CHAC2: variants seen among roughly 807,000 people sequenced by gnomAD.
CHAC2 encodes the protein ChaC glutathione specific gamma-glutamylcyclotransferase 2, also known as glutathione-specific gamma-glutamylcyclotransferase 2.
A neutral mutation model predicts 16.9 loss-of-function variants in CHAC2; 20 were observed. The ratio of observed to expected loss-of-function variants is 1.18; its 90% CI spans 0.83 to 1.72. CHAC2 has a LOEUF of 1.72. Among genes scored for constraint, CHAC2 ranks in the 40% most tolerant of loss-of-function variants. The probability of loss-of-function intolerance (pLI) is 0.00; values close to 1 mark genes in which losing one functional copy is unlikely to be tolerated. For missense variants in CHAC2, 269 were observed against 222.2 expected (o/e 1.21, Z -1.34); for synonymous variants, 91 against 77.3 (o/e 1.18, Z -0.93).
At chr2:53,772,255 A>G (rs1673982001) in intron 2 of CHAC2, among the ~76,000 whole-genome samples, 1 of 152,078 alleles carries the variant, frequency 6.6e-6, no homozygotes, top group Non-Finnish European at 1.5e-5. Context: ...GCTCACTGCA[A>G]GCTCCGCCTC....
chr2:53,774,102 A>G (rs1341844979), intron 2 of CHAC2, 40 bp from the exon 3 acceptor site: 1 of 1,527,778 alleles, frequency 6.5e-7, no homozygotes, highest in African/African-American at 1.4e-5. Context: ...TATTTTAATT[A>G]GCCTTATAAT....
Position 53,774,297 on chromosome 2 carries a change from T to C in CHAC2, c.327T>C (p.Tyr109=). Reference sequence around the variant, plus strand: ...CAAAACCATTCAGTGTATTGCTATATATTGGAACATGTGATAATCCTGATT... The same window carrying C: ...CAAAACCATTCAGTGTATTGCTATACATTGGAACATGTGATAATCCTGATT... ...PTTKPFSVLL[Y]IGTCDNPDYL... Residue 109 remains tyrosine (Y), a synonymous_variant, in exon 3 of 3, where the codon TAT becomes TAC. Coordinates refer to ENST00000295304, the MANE Select transcript of CHAC2 (RefSeq NM_001008708.4). 1 of 1,614,118 alleles carries C rather than the reference T, an allele frequency of 6.2e-7. No homozygotes were observed. Among genetic ancestry groups the C allele is most frequent in the Non-Finnish European group, 8.5e-7 (1 of 1,180,008 alleles).
At position 53,771,895 on chromosome 2, in the gene CHAC2, T is replaced by C. The variant is rs910503369; in HGVS notation, c.136-12T>C. 5 of 1,550,152 alleles carry C rather than the reference T, an allele frequency of 3.2e-6. No homozygotes were observed. In the African/African-American group the frequency reaches 5.5e-5, roughly 17 times the overall value. On this transcript the variant is annotated splice_polypyrimidine_tract_variant and intron_variant, in intron 1 of 2. Transcript: ENST00000295304. ...TAATTCAGAAAAATTTTTTTTTACC[T>C]TTTTAAAACAGCCTGGAAGAGTTGT...
rs766200132 is a variant in CHAC2 at position 53,774,224 on chromosome 2, G to A, written c.254G>A (p.Gly85Glu). 9 of 1,613,934 alleles carry A rather than the reference G, an allele frequency of 5.6e-6. No individual in the cohort carries two copies. Among genetic ancestry groups the A allele is most frequent in the Non-Finnish European group, 7.6e-6 (9 of 1,180,004 alleles). The stretch of plus-strand genomic sequence containing the variant: ...GCATACCTTGACTTCAGAGAAAAAG[G>A]AGGCTACAGAACCACAACAGTCATT... ...VKAYLDFREK[G>E]GYRTTTVIFY... The change falls in exon 3 of 3, where the codon GGA becomes GAA. Residue 85 changes from glycine to glutamate, a missense_variant. By Grantham distance (98) the Gly-to-Glu change is moderately conservative. Coordinates refer to ENST00000295304, the MANE Select transcript of CHAC2 (RefSeq NM_001008708.4).
rs368309853 is a variant in CHAC2, at chr2:53,768,029, G to C, written c.135+8G>C. On this transcript the variant is annotated splice_region_variant and intron_variant, in intron 1 of 2. Transcript: ENST00000295304. Reference sequence around the variant, plus strand: ...CGCGGGGTCCCCGGCAAGGTGAGGCGCCGGTCAGCTCCCCACACTTACTGC... The same window carrying C: ...CGCGGGGTCCCCGGCAAGGTGAGGCCCCGGTCAGCTCCCCACACTTACTGC... 2.5e-6 allele frequency: 4 copies of C among 1,612,330 alleles called. No homozygotes were observed. The African/African-American group carries it at 5.3e-5, about 22-fold the overall frequency.
At chr2:53,769,096 T>C (rs1036718964) in intron 1 of CHAC2, among the ~76,000 whole-genome samples, 3 of 152,226 alleles carry the variant, frequency 2.0e-5, no homozygotes, top group African/African-American at 7.2e-5. Flanking sequence ...AAAGGGGCAA[T>C]GGCTTAGGAT....
chr2:53,768,050 ACTGCC>A, intron 1 of CHAC2, 29 bp downstream of exon 1: 3 of 1,609,650 alleles, frequency 1.9e-6, no homozygotes, highest in Non-Finnish European at 2.5e-6. Context: ...CCCCACACTT[ACTGCC>A]CCCTGACCCC....
At chr2:53,768,155 T>A in intron 1 of CHAC2, 134 bp downstream of exon 1, 1 of 1,042,928 alleles carries the variant, frequency 9.6e-7, no homozygotes, top group Non-Finnish European at 1.3e-6. Context: ...GGGGTAACAT[T>A]TCTGTAGATT....
intron 1 of CHAC2, among the ~76,000 whole-genome samples, chr2:53,769,542 T>C (rs1455445111): frequency 6.6e-6 from 1 of 152,224 alleles, no homozygotes; most frequent in Non-Finnish European, 1.5e-5. Flanking sequence ...CAGTCCGTGA[T>C]TCTTTAAAAG....
intron 1 of CHAC2, among the ~76,000 whole-genome samples, chr2:53,770,636 G>C (rs1259505216): frequency 6.6e-6 from 1 of 150,440 alleles, no homozygotes; most frequent in East Asian, 2.0e-4. Flanking sequence ...ATCAGTCTTT[G>C]AAATGGGAGA....
rs1306404480 is a variant in CHAC2 at position 53,771,253 on chromosome 2, G to A, written c.136-654G>A. Among the ~76,000 whole-genome samples the A allele has an allele frequency of 2.6e-5, 4 of 152,006 alleles. No homozygotes were observed. In the East Asian group the frequency reaches 5.8e-4, roughly 22 times the overall value. On this transcript the variant is annotated intron_variant, in intron 1 of 2. Coordinates refer to ENST00000295304, the MANE Select transcript of CHAC2 (RefSeq NM_001008708.4). ...CTATAGGCCGGGTGCGGTGGCTCAC[G>A]CCTGTAATCCCAGCACTTTGGGAGG... is the stretch of plus-strand genomic sequence containing the variant.
In CHAC2 at chr2:53,774,334, G is replaced by C; in HGVS notation, c.364G>C (p.Ala122Pro). The change falls in exon 3 of 3, where the codon GCA becomes CCA. Residue 122 changes from alanine to proline, a missense_variant. Physicochemically the swap from Ala to Pro is conservative, Grantham distance 27. Coordinates refer to ENST00000295304, the MANE Select transcript of CHAC2 (RefSeq NM_001008708.4). Reference protein sequence around the residue: ...TCDNPDYLGPAPLEDIAEQIF... With the variant: ...TCDNPDYLGPPPLEDIAEQIF... The stretch of plus-strand genomic sequence containing the variant: ...TGATAATCCTGATTATCTTGGTCCT[G>C]CACCTCTGGAAGACATTGCTGAACA... The C allele has an allele frequency of 6.2e-7, 1 of 1,613,578 alleles. No homozygotes were observed. The highest frequency in any genetic ancestry group is 2.2e-5 in the East Asian group (1 of 44,862).
chr2:53,773,436 ATTTT>A (rs920163371), intron 2 of CHAC2, among the ~76,000 whole-genome samples: 2 of 151,650 alleles, frequency 1.3e-5, no homozygotes, highest in African/African-American at 4.9e-5. Context: ...ACTTTTATTT[ATTTT>A]TTATTTTTTT....
intron 1 of CHAC2, chr2:53,768,251 A>ACGG: frequency 2.0e-6 from 1 of 495,472 alleles, no homozygotes; most frequent in South Asian, 3.3e-5. Context: ...GTCTCTAGAG[A>ACGG]CGGCGAGAAG....
At chr2:53,773,124 C>T (rs992195191) in intron 2 of CHAC2, among the ~76,000 whole-genome samples, 5 of 151,996 alleles carry the variant, frequency 3.3e-5, no homozygotes, top group Admixed American at 2.0e-4. Context: ...ATTGATACTA[C>T]GAAAAGCATT....
chr2:53,772,593 A>G (rs1191032106), intron 2 of CHAC2, among the ~76,000 whole-genome samples: 4 of 151,878 alleles, frequency 2.6e-5, no homozygotes, highest in Non-Finnish European at 5.9e-5. Flanking sequence ...AACCCTTAAA[A>G]GCTCTCTTCA....
intron 2 of CHAC2, among the ~76,000 whole-genome samples, chr2:53,772,714 T>A (rs2104160348): frequency 6.6e-6 from 1 of 152,326 alleles, no homozygotes; most frequent in East Asian, 1.9e-4. Context: ...GTTTTTGTTT[T>A]TAAGTTCAGG....
chr2:53,772,751 G>C (rs1350495777), intron 2 of CHAC2, among the ~76,000 whole-genome samples: 4 of 152,174 alleles, frequency 2.6e-5, no homozygotes, highest in Admixed American at 2.6e-4. Context: ...GTGCAAGTTT[G>C]TTACATAGGT....
At chr2:53,771,789 T>A in intron 1 of CHAC2, 118 bp from the exon 2 acceptor site, 1 of 708,886 alleles carries the variant, frequency 1.4e-6, no homozygotes, top group Non-Finnish European at 2.5e-6. Context: ...GCTTAAGAAA[T>A]AGTGCTTCTT....
Sources: allele counts gnomAD v4.1 joint callset (sites outside exome capture counted in the v4.1 genomes callset), GRCh38; gene constraint gnomAD v4.1.1; transcripts MANE v1.5; gene names NCBI Gene and HGNC (gene_info 2026-07-23, HGNC 2026-07-21).